TMEM67: variants seen among roughly 807,000 people sequenced by gnomAD.
The protein encoded by TMEM67 is meckelin.
TMEM67 carries 124 observed loss-of-function variants against 136.6 expected under a neutral mutation model. That is an observed-to-expected ratio of 0.91 (90% confidence interval 0.78 to 1.05). The LOEUF is 1.05. TMEM67 is among the 50% of genes least tolerant of loss of function. The pLI, the probability that TMEM67 is intolerant of heterozygous loss-of-function variation, is 0.00. For synonymous variants in TMEM67, 364 were observed against 390.5 expected (o/e 0.93, Z 0.80); for missense variants, 1,107 against 1,178.4 (o/e 0.94, Z 0.89).
At chr8:93,758,146 TTTTGTG>T in intron 2 of TMEM67, among the ~76,000 whole-genome samples, 1 of 152,104 alleles carries the variant, frequency 6.6e-6, no homozygotes, top group East Asian at 1.9e-4. Context: ...GATTCAATCT[TTTTGTG>T]TTGTGTTGTG....
chr8:93,815,310 G>T lies in TMEM67; in HGVS notation c.2770G>T (p.Gly924Cys). 1 of 1,559,478 alleles carries T rather than the reference G, an allele frequency of 6.4e-7. No homozygotes were observed. The change falls in exon 27 of 28, where the codon GGT becomes TGT. Residue 924 changes from glycine to cysteine, a missense_variant. Coordinates refer to ENST00000453321, the MANE Select transcript of TMEM67 (RefSeq NM_153704.6). ...MEKSIFYNDEGYSFSSVLYYG... is the reference protein window; with the variant it reads ...MEKSIFYNDECYSFSSVLYYG... ...TTTCTAAATTTTTTTAATAGATGAAGGTTATTCTTTCAGCAGTGTCCTGTA... is the reference window on the plus strand; with the variant it reads ...TTTCTAAATTTTTTTAATAGATGAATGTTATTCTTTCAGCAGTGTCCTGTA...
At chr8:93,830,202 T>C in the TMEM67 span, among the ~76,000 whole-genome samples, 2 of 152,132 alleles carry the variant, frequency 1.3e-5, no homozygotes, top group Non-Finnish European at 2.9e-5. Context: ...AGGACAGCAT[T>C]TGGGGAGCTT....
intron 23 of TMEM67, among the ~76,000 whole-genome samples, chr8:93,805,869 C>G (rs1383982738): frequency 6.6e-6 from 1 of 152,118 alleles, no homozygotes; most frequent in Admixed American, 6.5e-5. Flanking sequence ...AATGAGGGAT[C>G]AGGTTGACGT....
chr8:93,804,608 A>C (rs188218055), intron 22 of TMEM67, among the ~76,000 whole-genome samples, 154 bp from the exon 23 acceptor site: 178 of 148,446 alleles, frequency 1.2e-3, no homozygotes, highest in Middle Eastern at 3.5e-3. Context: ...CACAAACCTT[A>C]TTATCCTTCA....
intron 5 of TMEM67, 36 bp downstream of exon 5, chr8:93,765,511 T>G (rs1813042926): frequency 6.2e-7 from 1 of 1,602,360 alleles, no homozygotes; most frequent in African/African-American, 1.3e-5. Context: ...ATATATATTT[T>G]TAATTCAGTT....
chr8:93,768,306 G>A (rs1379040880), intron 6 of TMEM67, among the ~76,000 whole-genome samples: 1 of 151,886 alleles, frequency 6.6e-6, no homozygotes, highest in Non-Finnish European at 1.5e-5. Flanking sequence ...GACTATTTCT[G>A]TGTCTGTGTA....
intron 7 of TMEM67, among the ~76,000 whole-genome samples, chr8:93,779,821 C>T (rs984973573): frequency 5.9e-5 from 9 of 152,196 alleles, no homozygotes; most frequent in Admixed American, 5.2e-4. Flanking sequence ...AGTTAGGCTA[C>T]ACAGGGTCAG....
rs769405960 is a variant in TMEM67 at position 93,816,494 on chromosome 8, CA to C, written c.*50del. ...CTTAAAGACTCAGTATAATCATGGCCAAAAAAAAGTCATGATATCAGGTTAG... is the reference window on the plus strand; with the variant it reads ...CTTAAAGACTCAGTATAATCATGGCCAAAAAAAGTCATGATATCAGGTTAG... On this transcript the variant is annotated 3_prime_UTR_variant, in exon 28 of 28. Coordinates refer to ENST00000453321, the MANE Select transcript of TMEM67 (RefSeq NM_153704.6). 1.8e-4 allele frequency: 197 copies of C among 1,101,188 alleles called. No individual in the cohort carries two copies. Among genetic ancestry groups the C allele is most frequent in the South Asian group, 4.3e-4 (31 of 72,252 alleles). The allele number at this position is 1,101,188 out of a possible 1,614,324, so 68.2% of individuals were successfully genotyped here. A position where few individuals can be genotyped will look rare whatever the true frequency, so the allele number is the denominator to read the frequency against.
intron 23 of TMEM67, among the ~76,000 whole-genome samples, chr8:93,806,819 A>T (rs1586086252): frequency 2.0e-5 from 3 of 152,296 alleles, no homozygotes; most frequent in Admixed American, 2.0e-4. Flanking sequence ...TGATATTCTA[A>T]GGATAAAGAA....
chr8:93,816,282 A>C, intron 27 of TMEM67, 90 bp from the exon 28 acceptor site: 22 of 572,004 alleles, frequency 3.8e-5, no homozygotes, highest in South Asian at 5.1e-5. Context: ...AGTTGAGAGA[A>C]TTAGCTAATT....
chr8:93,791,218 T>G (rs1814359674), intron 14 of TMEM67, 45 bp from the exon 15 acceptor site: 1 of 1,272,598 alleles, frequency 7.9e-7, no homozygotes. Context: ...TAAGTTTGTA[T>G]CATATAATTT....
chr8:93,821,438 T>C (rs972299963), downstream of TMEM67, among the ~76,000 whole-genome samples: 1 of 152,082 alleles, frequency 6.6e-6, no homozygotes, highest in African/African-American at 2.4e-5. Context: ...CATGCCTCCA[T>C]GCTTGGATAA....
intron 21 of TMEM67, among the ~76,000 whole-genome samples, chr8:93,800,639 A>T (rs1192157442): frequency 6.6e-6 from 1 of 152,310 alleles, no homozygotes; most frequent in Non-Finnish European, 1.5e-5. Flanking sequence ...GGCTAAAAAA[A>T]TTGCCTGAAG....
chr8:93,785,502 A>G (rs1814054107), intron 12 of TMEM67, 124 bp downstream of exon 12: 3 of 957,876 alleles, frequency 3.1e-6, no homozygotes, highest in East Asian at 5.0e-5. Context: ...ATGTGGTTCT[A>G]TACAGTGTGC....
Position 93,786,310 on chromosome 8 carries a change from C to CTCT in TMEM67, c.1376_1377insTCT (p.Pro459_Arg460insLeu). On this transcript the variant is annotated inframe_insertion, in exon 13 of 28. Transcript: ENST00000453321. ...CGAGAAAATGACTTAGGAACTCAGC[C>CTCT]AAGAGTAATTCGAGTTGCTACTCAA... The CTCT allele has an allele frequency of 6.2e-7, 1 of 1,613,958 alleles. No homozygotes were observed. The highest frequency in any genetic ancestry group is 8.5e-7 in the Non-Finnish European group (1 of 1,179,898).
intron 16 of TMEM67, 30 bp downstream of exon 16, chr8:93,793,326 T>C (rs367995763): frequency 3.2e-6 from 5 of 1,560,636 alleles, no homozygotes; most frequent in East Asian, 4.5e-5. Flanking sequence ...TTAAGAATAT[T>C]TTTATCTTTT....
chr8:93,804,631 C>T, intron 22 of TMEM67, 131 bp from the exon 23 acceptor site: 1 of 576,358 alleles, frequency 1.7e-6, no homozygotes, highest in Non-Finnish European at 3.1e-6. Context: ...ACTTTATTAT[C>T]CTCTTTATAT....
chr8:93,831,481 A>G, the TMEM67 span, among the ~76,000 whole-genome samples: 2 of 152,122 alleles, frequency 1.3e-5, no homozygotes, highest in African/African-American at 4.8e-5. Flanking sequence ...TAACAGGACT[A>G]TTTTTTTCTG....
At chr8:93,810,659 C>A (rs1221076787) in intron 26 of TMEM67, among the ~76,000 whole-genome samples, 1 of 151,990 alleles carries the variant, frequency 6.6e-6, no homozygotes, top group African/African-American at 2.4e-5. Context: ...TTTCTGTGTT[C>A]TATTTTATTA....
Sources: gnomAD v4.1 joint callset for allele counts (sites outside exome capture counted in the v4.1 genomes callset) on GRCh38, gnomAD v4.1.1 for gene constraint, MANE v1.5 for transcripts, NCBI Gene and HGNC (gene_info 2026-07-23, HGNC 2026-07-21) for gene names.